DDAH1: variants seen among roughly 807,000 people sequenced by gnomAD.
DDAH1 encodes the protein dimethylarginine dimethylaminohydrolase 1.
DDAH1 carries 19 observed loss-of-function variants against 28.8 expected under a neutral mutation model. The ratio of observed to expected loss-of-function variants is 0.66; its 90% CI spans 0.46 to 0.97. The LOEUF (loss-of-function observed/expected upper bound fraction) is 0.97. DDAH1 is among the 50% of genes least tolerant of loss of function. The pLI is 0.00. For missense variants in DDAH1, 326 were observed against 375.9 expected (o/e 0.87, Z 1.10); for synonymous variants, 153 against 154.4 (o/e 0.99, Z 0.07).
At chr1:85,452,029 G>A (rs1436171682) in intron 1 of DDAH1, among the ~76,000 whole-genome samples, 1 of 152,136 alleles carries the variant, frequency 6.6e-6, no homozygotes, top group African/African-American at 2.4e-5. Flanking sequence ...CCTGTTTACT[G>A]GGAAGAGCCT....
chr1:85,449,120 C>T (rs776560816), intron 1 of DDAH1, among the ~76,000 whole-genome samples: 43 of 152,128 alleles, frequency 2.8e-4, no homozygotes, highest in Admixed American at 4.6e-4. Flanking sequence ...AGGCCAGTGA[C>T]CAGGGATGGT....
chr1:85,338,536 G>A (rs1648273189), intron 4 of DDAH1, among the ~76,000 whole-genome samples: 1 of 152,204 alleles, frequency 6.6e-6, no homozygotes, highest in Non-Finnish European at 1.5e-5. Flanking sequence ...CTGCCTTCAT[G>A]TAGGAACTGA....
intron 1 of DDAH1, among the ~76,000 whole-genome samples, chr1:85,527,413 A>T (rs1458420066): frequency 7.9e-5 from 12 of 152,174 alleles, no homozygotes; most frequent in Non-Finnish European, 1.5e-4. Flanking sequence ...GAATGTCTGG[A>T]ATGTGTTTAG....
intron 1 of DDAH1, among the ~76,000 whole-genome samples, chr1:85,418,323 T>A (rs1208540057): frequency 6.6e-6 from 1 of 152,242 alleles, no homozygotes; most frequent in African/African-American, 2.4e-5. Context: ...GGTTAATTTG[T>A]TTTTTGTCCC....
chr1:85,393,222 C>G (rs975781805), intron 1 of DDAH1, among the ~76,000 whole-genome samples: 1 of 152,178 alleles, frequency 6.6e-6, no homozygotes, highest in Admixed American at 6.5e-5. Flanking sequence ...TAAAATACCC[C>G]TCTGAAGGAG....
intron 1 of DDAH1, among the ~76,000 whole-genome samples, chr1:85,513,249 G>T (rs1657312245): frequency 6.6e-6 from 1 of 152,186 alleles, no homozygotes; most frequent in Non-Finnish European, 1.5e-5. Context: ...AAGAAATGGG[G>T]AAAGGATTCC....
intron 1 of DDAH1, among the ~76,000 whole-genome samples, chr1:85,525,165 T>C (rs1243955241): frequency 6.6e-6 from 1 of 151,930 alleles, no homozygotes; most frequent in African/African-American, 2.4e-5. Context: ...ATGCTGACTT[T>C]TTTTTCTTTA....
intron 1 of DDAH1, among the ~76,000 whole-genome samples, chr1:85,516,552 CCT>C (rs1222710945): frequency 1.3e-5 from 2 of 150,998 alleles, no homozygotes; most frequent in African/African-American, 4.9e-5. Context: ...TTGCATTTTC[CCT>C]CTTTTTTCTG....
intron 1 of DDAH1, among the ~76,000 whole-genome samples, chr1:85,429,926 C>T (rs1146377): frequency 0.81 from 123,954 of 152,118 alleles, 50,688 homozygotes; most frequent in Middle Eastern, 0.9. Flanking sequence ...GATGGATAGA[C>T]TGCAAAAATT....
At chr1:85,323,307 C>T (rs191440102) in intron 5 of DDAH1, among the ~76,000 whole-genome samples, 7 of 151,990 alleles carry the variant, frequency 4.6e-5, no homozygotes, top group Middle Eastern at 3.4e-3. Flanking sequence ...CTTGTTCCTC[C>T]GGGCAGAGAT....
chr1:85,473,507 G>A (rs543831268), intron 2 of DDAH1, among the ~76,000 whole-genome samples: 15 of 151,882 alleles, frequency 9.9e-5, no homozygotes, highest in South Asian at 8.3e-4. Context: ...ACACGCACGC[G>A]CACAGGGCTC....
intron 1 of DDAH1, among the ~76,000 whole-genome samples, chr1:85,378,748 G>A (rs1445487171): frequency 2.0e-5 from 3 of 152,084 alleles, no homozygotes; most frequent in East Asian, 1.9e-4. Context: ...CCTAGCAAAC[G>A]AAATGCCCTA....
At chr1:85,432,562 A>T (rs1653740547) in intron 1 of DDAH1, among the ~76,000 whole-genome samples, 1 of 152,214 alleles carries the variant, frequency 6.6e-6, no homozygotes, top group Non-Finnish European at 1.5e-5. Flanking sequence ...ATGATGAAAG[A>T]ACACCACATC....
chr1:85,381,608 A>G (rs561195349), intron 1 of DDAH1, among the ~76,000 whole-genome samples: 1 of 151,964 alleles, frequency 6.6e-6, no homozygotes, highest in East Asian at 1.9e-4. Flanking sequence ...CTTTATATAC[A>G]ATGAGTATTT....
chr1:85,358,969 A>G (rs1649639086), intron 1 of DDAH1, 122 bp from the exon 2 acceptor site: 2 of 604,816 alleles, frequency 3.3e-6, no homozygotes, highest in Middle Eastern at 2.6e-4. Flanking sequence ...CCACACTCAT[A>G]TACACACCCA....
chr1:85,510,509 TA>T (rs1255738591), intron 1 of DDAH1, among the ~76,000 whole-genome samples: 1 of 152,102 alleles, frequency 6.6e-6, no homozygotes, highest in African/African-American at 2.4e-5. Context: ...ATATTAACCT[TA>T]AATGTAAATG....
At chr1:85,379,946 CCTT>C (rs1650890925) in intron 1 of DDAH1, among the ~76,000 whole-genome samples, 1 of 152,200 alleles carries the variant, frequency 6.6e-6, no homozygotes, top group Admixed American at 6.5e-5. Flanking sequence ...TAACTGGTCT[CCTT>C]CTAACAGCTG....
intron 2 of DDAH1, among the ~76,000 whole-genome samples, chr1:85,474,820 G>A (rs531501993): frequency 8.5e-5 from 13 of 152,154 alleles, no homozygotes; most frequent in African/African-American, 3.1e-4. Flanking sequence ...ATTATACTAG[G>A]CCCCTTCCAG....
At chr1:85,407,185 G>T (rs1652446807) in intron 1 of DDAH1, among the ~76,000 whole-genome samples, 1 of 152,142 alleles carries the variant, frequency 6.6e-6, no homozygotes, top group Non-Finnish European at 1.5e-5. Context: ...CAGTATTAAA[G>T]TTCTGGGTAA....
Sources: allele counts gnomAD v4.1 joint callset (sites outside exome capture counted in the v4.1 genomes callset), GRCh38; gene constraint gnomAD v4.1.1; transcripts MANE v1.5; gene names NCBI Gene and HGNC (gene_info 2026-07-23, HGNC 2026-07-21).